HEXD: variants seen among roughly 807,000 people sequenced by gnomAD.
The protein encoded by HEXD is N-acetyl-beta-galactosaminidase.
HEXD carries 47 observed loss-of-function variants against 54.2 expected under a neutral mutation model. The ratio of observed to expected loss-of-function variants is 0.87; its 90% CI spans 0.69 to 1.11. HEXD has a LOEUF of 1.11. Among genes scored for constraint, HEXD ranks in the 50% least tolerant of loss-of-function variants. The probability of loss-of-function intolerance (pLI) is 0.00; values close to 1 mark genes in which losing one functional copy is unlikely to be tolerated. For synonymous variants in HEXD, 293 were observed against 287.6 expected (o/e 1.02, Z -0.19); for missense variants, 576 against 649.2 (o/e 0.89, Z 1.23).
rs745586320 is a variant in HEXD, at chr17:82,442,336, C to A, written c.1413C>A (p.Pro471=). ...LLQDLSEVSA[P]PLPPTSPGRD... ...AGGACCTCAGCGAGGTGTCTGCCCC[C>A]CCGCTGCCACCCACCAGCCCTGGCA... Residue 471 remains proline (P), a synonymous_variant, in exon 13 of 13, where the codon CCC becomes CCA. Coordinates refer to ENST00000327949, the MANE Select transcript of HEXD (RefSeq NM_001330542.2). This position sits in a 1 kb window ranked among gnomAD's most constrained non-coding sequence, Gnocchi z 6.8. 1.1e-5 allele frequency: 17 copies of A among 1,610,754 alleles called. No homozygotes were observed. The highest frequency in any genetic ancestry group is 2.7e-5 in the African/African-American group (2 of 74,926).
chr17:82,434,998 AGC>A lies in HEXD; in HGVS notation c.448-690_448-689del, dbSNP rs2053717950. On this transcript the variant is annotated intron_variant, in intron 5 of 12. Coordinates refer to ENST00000327949, the MANE Select transcript of HEXD (RefSeq NM_001330542.2). This position sits in a 1 kb window ranked among gnomAD's most constrained non-coding sequence, Gnocchi z 4.5. The stretch of plus-strand genomic sequence containing the variant: ...CCGTCTCTACTAAAAATACAAAATT[AGC>A]CAGGTGTGGTGGTGGGCGCCTGTAA... 1.3e-5 allele frequency among the ~76,000 whole-genome samples: 2 copies of A among 151,182 alleles called. No homozygotes were observed. Among genetic ancestry groups the A allele is most frequent in the Admixed American group, 1.3e-4 (2 of 15,184 alleles).
chr17:82,440,054 G>A (rs1319220785), intron 9 of HEXD: 1 of 1,308,140 alleles, frequency 7.6e-7, no homozygotes, highest in South Asian at 1.3e-5. Flanking sequence ...CCGAGCAGGT[G>A]TGGGGCTCAG....
chr17:82,427,787 G>A (rs1490052702), intron 3 of HEXD, among the ~76,000 whole-genome samples: 1 of 152,058 alleles, frequency 6.6e-6, no homozygotes, highest in Non-Finnish European at 1.5e-5. Flanking sequence ...CTTTTTTTTA[G>A]ATAAATTCAT....
At chr17:82,437,109 T>C (rs2053792347) in intron 7 of HEXD, 59 bp from the exon 8 acceptor site, 1 of 1,444,406 alleles carries the variant, frequency 6.9e-7, no homozygotes, top group Non-Finnish European at 9.5e-7. Flanking sequence ...GGGAGGCGTG[T>C]CCAGGGCCGT....
At position 82,436,333 on chromosome 17, in the gene HEXD, G is replaced by A. The variant is rs1370155137; in HGVS notation, c.632-334G>A. 3.9e-5 allele frequency among the ~76,000 whole-genome samples: 6 copies of A among 152,370 alleles called. No homozygotes were observed. In the East Asian group the frequency reaches 1.2e-3, roughly 29 times the overall value. ...GCTCCATAGCAGAGCTGGGAGCCAGGGTGTCCTAGGGCCGTGCCGGCCTGG... is the reference window on the plus strand; with the variant it reads ...GCTCCATAGCAGAGCTGGGAGCCAGAGTGTCCTAGGGCCGTGCCGGCCTGG... On this transcript the variant is annotated intron_variant, in intron 6 of 12. Transcript: ENST00000327949.
intron 9 of HEXD, 52 bp downstream of exon 9, chr17:82,439,765 CG>C: frequency 1.9e-6 from 3 of 1,598,066 alleles, no homozygotes; most frequent in Non-Finnish European, 2.5e-6. Flanking sequence ...CCGAAAGACC[CG>C]GAGGGCAGGA....
chr17:82,433,854 C>A, intron 5 of HEXD, 32 bp downstream of exon 5: 1 of 1,571,654 alleles, frequency 6.4e-7, no homozygotes, highest in Non-Finnish European at 8.6e-7. Flanking sequence ...CTGTGCAGGA[C>A]ACTCTCCCCT....
rs139594569 is a variant in HEXD at position 82,438,958 on chromosome 17, C to T, written c.900-673C>T. Among the ~76,000 whole-genome samples the T allele has an allele frequency of 8.8e-3, 1,340 of 152,392 alleles. 9 individuals carry two copies. Among genetic ancestry groups the T allele is most frequent in the Non-Finnish European group, 0.013 (888 of 68,042 alleles). On this transcript the variant is annotated intron_variant, in intron 8 of 12. Coordinates refer to ENST00000327949, the MANE Select transcript of HEXD (RefSeq NM_001330542.2). ...CCTTCAGGCGAGCCTGGGGCTGTGG[C>T]GTCAGGCATTGCCCAGCCTTCGCCT... is the stretch of plus-strand genomic sequence containing the variant.
chr17:82,427,939 G>C (rs973018731), intron 3 of HEXD: 1 of 152,216 alleles, frequency 6.6e-6, no homozygotes, highest in African/African-American at 2.4e-5. Context: ...ACCTGCCCTC[G>C]GGCAGCTGCT....
chr17:82,429,891 A>C (rs2053528253), intron 4 of HEXD, among the ~76,000 whole-genome samples: 1 of 151,090 alleles, frequency 6.6e-6, no homozygotes, highest in African/African-American at 2.4e-5. Context: ...CACCTCAGCA[A>C]CTCCAGACCT....
At chr17:82,436,014 C>T in intron 6 of HEXD, 142 bp downstream of exon 6, 1 of 799,794 alleles carries the variant, frequency 1.3e-6, no homozygotes, top group Non-Finnish European at 2.0e-6. Flanking sequence ...CTCCTGCATC[C>T]CCTTGACGCC....
intron 2 of HEXD, 115 bp from the exon 3 acceptor site, chr17:82,424,279 G>A (rs1599723383): frequency 1.4e-6 from 1 of 704,792 alleles, no homozygotes; most frequent in East Asian, 2.5e-5. Flanking sequence ...AGAAATAGAA[G>A]TAGCAACTCC....
Position 82,441,867 on chromosome 17 carries a change from C to T in HEXD, c.1231C>T (p.His411Tyr). Residue 411 changes from histidine (H) to tyrosine (Y), a missense_variant, in exon 12 of 13, where the codon CAC (histidine) becomes TAC (tyrosine). Transcript: ENST00000327949. ...RKLIHPVMVQ[H>Y]IQPAALSLLA... Reference sequence around the variant, plus strand: ...GCTCATCCACCCGGTCATGGTTCAGCACATCCAGCCCGCAGCGCTCAGGTG... The same window carrying T: ...GCTCATCCACCCGGTCATGGTTCAGTACATCCAGCCCGCAGCGCTCAGGTG... 2 of 1,613,300 alleles carry T rather than the reference C, an allele frequency of 1.2e-6. No individual in the cohort carries two copies. The highest frequency in any genetic ancestry group is 2.2e-5 in the East Asian group (1 of 44,872).
At chr17:82,439,802 C>T in intron 9 of HEXD, 89 bp downstream of exon 9, 1 of 1,595,144 alleles carries the variant, frequency 6.3e-7, no homozygotes, top group Non-Finnish European at 8.5e-7. Flanking sequence ...GCTCCAACCA[C>T]CCTGCTGGAC....
Position 82,441,064 on chromosome 17 carries a change from G to C in HEXD, c.1050G>C (p.Thr350=). ...TCGGGATTTCCAGCCTGGAAAAAAC[G>C]GACCCTGTTAGGCAAGCACCCTGCA... ...NLLGISSLEK[T]DPVREGAGSF... is the part of the protein sequence containing the mutation. Residue 350 remains threonine (T), a synonymous_variant, in exon 10 of 13, where the codon ACG becomes ACC. Coordinates refer to ENST00000327949, the MANE Select transcript of HEXD (RefSeq NM_001330542.2). 6.2e-7 allele frequency: 1 copy of C among 1,613,576 alleles called. No individual in the cohort carries two copies. The highest frequency in any genetic ancestry group is 1.1e-5 in the South Asian group (1 of 91,082).
Position 82,433,128 on chromosome 17 carries a change from ATTT to A in HEXD, c.283-516_283-514del, listed in dbSNP as rs758489285. Among the ~76,000 whole-genome samples, 107 of 13,056 alleles carry A rather than the reference ATTT, an allele frequency of 8.2e-3. 6 individuals carry two copies. The highest frequency in any genetic ancestry group is 0.01 in the East Asian group (2 of 194). 8.6% of individuals were successfully genotyped at this position (13,056 alleles called of 152,430 possible). Reference sequence around the variant, plus strand: ...TATATATATATATATATATATATATATTTTTTTTTTTTTTTTATATATATATTT... The same window carrying A: ...TATATATATATATATATATATATATATTTTTTTTTTTTTATATATATATTT... On this transcript the variant is annotated intron_variant, in intron 4 of 12. Transcript: ENST00000327949.
chr17:82,425,142 AAGGCTGGAGG>A (rs1003752122), intron 3 of HEXD, among the ~76,000 whole-genome samples: 6 of 132,830 alleles, frequency 4.5e-5, no homozygotes, highest in African/African-American at 1.2e-4. Context: ...AAGGCTGGAG[AAGGCTGGAGG>A]AGGCTAGAGA....
intron 4 of HEXD, among the ~76,000 whole-genome samples, chr17:82,428,932 G>C (rs2053498761): frequency 6.6e-6 from 1 of 152,152 alleles, no homozygotes; most frequent in East Asian, 1.9e-4. Flanking sequence ...ATATTATTAT[G>C]TGAGGTAAAA....
At chr17:82,438,302 C>T (rs2053831663) in intron 8 of HEXD, among the ~76,000 whole-genome samples, 1 of 152,152 alleles carries the variant, frequency 6.6e-6, no homozygotes, top group South Asian at 2.1e-4. Flanking sequence ...AGTGTGTAGC[C>T]TATGGAAGCC....
Sources: gnomAD v4.1 joint callset for allele counts (sites outside exome capture counted in the v4.1 genomes callset) on GRCh38, gnomAD v4.1.1 for gene constraint, Gnocchi (gnomAD v3.1) non-coding constraint, MANE v1.5 for transcripts, NCBI Gene and HGNC (gene_info 2026-07-23, HGNC 2026-07-21) for gene names.